FSTL1: variants seen among roughly 807,000 people sequenced by gnomAD.
FSTL1 encodes the protein follistatin-related protein 1.
Under a neutral mutation model 45.9 loss-of-function variants are expected in FSTL1, and 24 were observed. The observed-to-expected ratio is 0.52, with a 90% CI of 0.38 to 0.74. FSTL1 has a LOEUF of 0.74. FSTL1 is among the 30% of genes least tolerant of loss of function. The pLI is 0.00. For synonymous variants in FSTL1, 120 were observed against 137.6 expected (o/e 0.87, Z 0.89); for missense variants, 340 against 381.8 (o/e 0.89, Z 0.91).
chr3:120,449,738 T>C (rs114148347), intron 2 of FSTL1, among the ~76,000 whole-genome samples: 132 of 152,336 alleles, frequency 8.7e-4, no homozygotes, highest in African/African-American at 3.0e-3. Context: ...AACTGTAATA[T>C]GAAGGAAAAA....
rs1180320829 is a variant in FSTL1, at chr3:120,393,149, A to G, written c.*3803T>C. ...TCTGAGAATGAAAATTTGAAGAATC[A>G]AACTGTAAGAGCAGTAATCTGTAGC... is the stretch of plus-strand genomic sequence containing the variant. On this transcript the variant is annotated 3_prime_UTR_variant, in exon 11 of 11. Coordinates refer to ENST00000295633, the MANE Select transcript of FSTL1 (RefSeq NM_007085.5). 6.6e-6 allele frequency: 1 copy of G among 152,220 alleles called. No individual in the cohort carries two copies. Among genetic ancestry groups the G allele is most frequent in the Non-Finnish European group, 1.5e-5 (1 of 68,040 alleles). 9.4% of individuals were successfully genotyped at this position (152,220 alleles called of 1,614,324 possible).
intron 2 of FSTL1, 27 bp downstream of exon 2, chr3:120,450,657 G>A (rs947750093): frequency 1.3e-6 from 2 of 1,525,852 alleles, no homozygotes; most frequent in South Asian, 2.4e-5. Context: ...CGGGGACCGA[G>A]TTCGGACTCC....
chr3:120,434,152 T>C (rs997199087), intron 2 of FSTL1, among the ~76,000 whole-genome samples: 1 of 151,860 alleles, frequency 6.6e-6, no homozygotes, highest in Non-Finnish European at 1.5e-5. Flanking sequence ...TTGGCTAGGG[T>C]GGTGGCGGTG....
In FSTL1 at chr3:120,442,005, C is replaced by G. The variant is rs200474215; in HGVS notation, c.63+8679G>C. 2.6e-5 allele frequency among the ~76,000 whole-genome samples: 4 copies of G among 152,192 alleles called. No individual in the cohort carries two copies. In the East Asian group the frequency reaches 7.7e-4, roughly 29 times the overall value. ...GAGGAAAAATCAGTAATCAGAGTAA[C>G]AACCTGAGCCAGCACAAAGGCTGTG... On this transcript the variant is annotated intron_variant, in intron 2 of 10. Transcript: ENST00000295633.
rs543513266 is a variant in FSTL1 at position 120,425,764 on chromosome 3, G to C, written c.64-9737C>G. ...ATGAGGGTGTTGCTAGGTTCTGAAGGGGGGATTAAAGTTGGCTCTCATAGT... is the reference window on the plus strand; with the variant it reads ...ATGAGGGTGTTGCTAGGTTCTGAAGCGGGGATTAAAGTTGGCTCTCATAGT... On this transcript the variant is annotated intron_variant, in intron 2 of 10. Transcript: ENST00000295633. Among the ~76,000 whole-genome samples, 9 of 152,200 alleles carry C rather than the reference G, an allele frequency of 5.9e-5. No homozygotes were observed. In the East Asian group the frequency reaches 9.7e-4, roughly 16 times the overall value.
chr3:120,413,026 G>C (rs1937103639), intron 3 of FSTL1, among the ~76,000 whole-genome samples: 16 of 152,154 alleles, frequency 1.1e-4, no homozygotes, highest in Admixed American at 1.0e-3. Flanking sequence ...AATCATTATG[G>C]ACAGGGAAAT....
rs1347520307 is a variant in FSTL1, at chr3:120,394,737, G to C, written c.*2215C>G. 2.0e-5 allele frequency: 3 copies of C among 152,190 alleles called. No individual in the cohort carries two copies. 9.4% of individuals were successfully genotyped at this position (152,190 alleles called of 1,614,324 possible). On this transcript the variant is annotated 3_prime_UTR_variant, in exon 11 of 11. Coordinates refer to ENST00000295633, the MANE Select transcript of FSTL1 (RefSeq NM_007085.5). ...CTTTATGGAAGACTCCCCAGACTAG[G>C]CTATTTAGCAGCTTCCATGAATGGT...
chr3:120,441,875 G>A lies in FSTL1; in HGVS notation c.63+8809C>T, dbSNP rs1937632376. On this transcript the variant is annotated intron_variant, in intron 2 of 10. Transcript: ENST00000295633. ...AGAGATGGGGAAACAGGCTCAGAGAGGTTTTAAGTAGTTTTCCCAAGATCA... is the reference window on the plus strand; with the variant it reads ...AGAGATGGGGAAACAGGCTCAGAGAAGTTTTAAGTAGTTTTCCCAAGATCA... 2.0e-5 allele frequency among the ~76,000 whole-genome samples: 3 copies of A among 152,354 alleles called. No homozygotes were observed. The South Asian group carries it at 6.2e-4, about 32-fold the overall frequency.
intron 2 of FSTL1, among the ~76,000 whole-genome samples, chr3:120,416,255 C>G (rs1937185524): frequency 6.6e-6 from 1 of 152,130 alleles, no homozygotes; most frequent in African/African-American, 2.4e-5. Context: ...TTCTGAGTCC[C>G]TAATATGTTT....
intron 2 of FSTL1, chr3:120,423,031 T>C (rs746777263): frequency 6.6e-6 from 1 of 152,266 alleles, no homozygotes; most frequent in African/African-American, 2.4e-5. Flanking sequence ...GATTAATTTC[T>C]ATGTTTAGCC....
intron 2 of FSTL1, among the ~76,000 whole-genome samples, chr3:120,450,015 A>G (rs906112102): frequency 1.7e-5 from 2 of 118,690 alleles, no homozygotes; most frequent in African/African-American, 5.0e-5. Context: ...AGGTCGTTAG[A>G]GTTGAAAAAA....
Position 120,409,762 on chromosome 3 carries a change from T to C in FSTL1, c.332-100A>G, listed in dbSNP as rs931213242. ...GAGCATCCGTGCCCATGGTTCTGCA[T>C]ATGTCATCCCAGCAACACAGGGAGA... On this transcript the variant is annotated intron_variant, in intron 5 of 10. Transcript: ENST00000295633. 4 of 1,080,372 alleles carry C rather than the reference T, an allele frequency of 3.7e-6. No individual in the cohort carries two copies. The African/African-American group carries it at 6.2e-5, about 17-fold the overall frequency. 66.9% of individuals were successfully genotyped at this position (1,080,372 alleles called of 1,614,324 possible). A position where few individuals can be genotyped will look rare whatever the true frequency, so the allele number is the denominator to read the frequency against.
At chr3:120,427,978 A>G (rs536213451) in intron 2 of FSTL1, among the ~76,000 whole-genome samples, 1 of 152,120 alleles carries the variant, frequency 6.6e-6, no homozygotes, top group African/African-American at 2.4e-5. Context: ...AGAAGGCAGG[A>G]GAAACTGTGG....
intron 1 of FSTL1, 42 bp from the exon 2 acceptor site, chr3:120,450,788 C>T (rs762948295): frequency 2.6e-5 from 38 of 1,436,188 alleles, no homozygotes; most frequent in Non-Finnish European, 3.3e-5. Flanking sequence ...GCGCCGGGCC[C>T]CGCGCTGACC....
intron 2 of FSTL1, among the ~76,000 whole-genome samples, chr3:120,418,838 G>A (rs1416952600): frequency 6.6e-6 from 1 of 152,188 alleles, no homozygotes; most frequent in Non-Finnish European, 1.5e-5. Flanking sequence ...CCACACAACT[G>A]AAAGTGGCTA....
chr3:120,402,318 T>A (rs1379551664), intron 9 of FSTL1, among the ~76,000 whole-genome samples: 1 of 152,220 alleles, frequency 6.6e-6, no homozygotes, highest in Non-Finnish European at 1.5e-5. Flanking sequence ...TAAGGTGTTA[T>A]AAGGATCAAT....
At chr3:120,433,328 A>G (rs569691758) in intron 2 of FSTL1, among the ~76,000 whole-genome samples, 1 of 152,360 alleles carries the variant, frequency 6.6e-6, no homozygotes, top group African/African-American at 2.4e-5. Context: ...AAGATTAAGC[A>G]AACTGTTGAC....
At chr3:120,433,901 A>G (rs557320998) in intron 2 of FSTL1, among the ~76,000 whole-genome samples, 1 of 152,344 alleles carries the variant, frequency 6.6e-6, no homozygotes, top group Admixed American at 6.5e-5. Flanking sequence ...AGCAAGAGGT[A>G]AGCTGGGAAA....
chr3:120,424,313 AC>A (rs2107662554), intron 2 of FSTL1, among the ~76,000 whole-genome samples: 1 of 152,160 alleles, frequency 6.6e-6, no homozygotes, highest in Admixed American at 6.5e-5. Context: ...AAAAATAACA[AC>A]AAAAAACCCA....
Sources: allele counts gnomAD v4.1 joint callset (sites outside exome capture counted in the v4.1 genomes callset), GRCh38; gene constraint gnomAD v4.1.1; transcripts MANE v1.5; gene names NCBI Gene and HGNC (gene_info 2026-07-23, HGNC 2026-07-21).